The following PAK4 variants were observed in gnomAD, a reference collection of about 807,000 sequenced individuals.
The protein encoded by PAK4 is p21 (RAC1) activated kinase 4.
PAK4 carries 49 observed loss-of-function variants against 53.5 expected under a neutral mutation model. That is an observed-to-expected ratio of 0.92 (90% CI 0.73 to 1.16). The LOEUF is 1.16. PAK4 is among the 50% of genes most tolerant of loss of function. The pLI, the probability that PAK4 is intolerant of heterozygous loss-of-function variation, is 0.00. For synonymous variants in PAK4, 376 were observed against 375.6 expected (o/e 1.00, Z -0.01); for missense variants, 824 against 850.7 (o/e 0.97, Z 0.39).
chr19:39,168,156 G>A (rs1232369927), intron 1 of PAK4, 74 bp from the exon 2 acceptor site: 1 of 152,272 alleles, frequency 6.6e-6, no homozygotes, highest in Non-Finnish European at 1.5e-5. Flanking sequence ...CCACAGAGGA[G>A]GCCCATTGCT....
chr19:39,132,543 G>T (rs902276978), intron 1 of PAK4, among the ~76,000 whole-genome samples: 1 of 152,252 alleles, frequency 6.6e-6, no homozygotes, highest in African/African-American at 2.4e-5. Flanking sequence ...ACGCACACGC[G>T]TGCCCCCACG....
chr19:39,132,366 C>G (rs192223893), intron 1 of PAK4, among the ~76,000 whole-genome samples: 1 of 152,236 alleles, frequency 6.6e-6, no homozygotes, highest in Non-Finnish European at 1.5e-5. Flanking sequence ...TCATCACCCC[C>G]GGTTTCTTTT....
Position 39,177,907 on chromosome 19 carries a change from G to A in PAK4, c.1620+98G>A, listed in dbSNP as rs1000938886. 1.3e-4 allele frequency: 182 copies of A among 1,358,140 alleles called. 1 individual carries two copies. The African/African-American group carries it at 1.6e-3, about 12-fold the overall frequency. 84.1% of individuals were successfully genotyped at this position (1,358,140 alleles called of 1,614,324 possible). A position where few individuals can be genotyped will look rare whatever the true frequency, so the allele number is the denominator to read the frequency against. On this transcript the variant is annotated intron_variant, in intron 8 of 8. Coordinates refer to ENST00000358301, the Ensembl canonical transcript of PAK4. ...TGGATGGGATGGGGACAATGATGGC[G>A]CCTGGGATGGCGCTTACTGTGTGCT...
At chr19:39,130,701 G>A (rs1249427844) in intron 1 of PAK4, among the ~76,000 whole-genome samples, 2 of 151,964 alleles carry the variant, frequency 1.3e-5, no homozygotes, top group African/African-American at 4.8e-5. Context: ...AAAGAAGCCA[G>A]TGTGGCTGAG....
intron 1 of PAK4, among the ~76,000 whole-genome samples, chr19:39,166,079 G>A (rs2074371072): frequency 6.6e-6 from 1 of 152,216 alleles, no homozygotes; most frequent in East Asian, 1.9e-4. Context: ...CACTTACTGT[G>A]TGTGTGATTT....
In PAK4 at chr19:39,172,928, G is replaced by A. The variant is rs372186735; in HGVS notation, c.215G>A (p.Arg72Gln). Residue 72 changes from arginine (R) to glutamine (Q), a missense_variant, in exon 3 of 9, where the codon CGG (arginine) becomes CAG (glutamine). By Grantham distance (43) the Arg-to-Gln change is conservative. Transcript: ENST00000358301. ...TGCCTGGGACCCCAGACCATCGTGC[G>A]GGGCAGCAAAGGTGCCAAAGATGGG... 95 of 1,535,760 alleles carry A rather than the reference G, an allele frequency of 6.2e-5. 2 individuals carry two copies. The highest frequency in any genetic ancestry group is 1.4e-4 in the Admixed American group (7 of 50,580).
rs866360662 is a variant in PAK4, at chr19:39,154,881, C to G, written c.-22-14651C>G. On this transcript the variant is annotated intron_variant, in intron 1 of 8. Transcript: ENST00000358301. Reference sequence around the variant, plus strand: ...CCCCTAGACCTGCCCTGCTGTGGTCCAGAGCCTGGCCCAGCCCCTCCTTGG... The same window carrying G: ...CCCCTAGACCTGCCCTGCTGTGGTCGAGAGCCTGGCCCAGCCCCTCCTTGG... 1.2e-4 allele frequency among the ~76,000 whole-genome samples: 19 copies of G among 152,242 alleles called. No homozygotes were observed. In the South Asian group the frequency reaches 1.7e-3, roughly 13 times the overall value.
rs764959467 is a variant in PAK4 at position 39,175,011 on chromosome 19, G to A, written c.1179G>A (p.Val393=). ...ACCTGGTGGGGGACGAGCTCTGGGTGGTCATGGAGTTCCTGGAAGGAGGCG... is the reference window on the plus strand; with the variant it reads ...ACCTGGTGGGGGACGAGCTCTGGGTAGTCATGGAGTTCCTGGAAGGAGGCG... The change falls in exon 5 of 9, where the codon GTG becomes GTA. Residue 393 remains valine (V), a synonymous_variant. Transcript: ENST00000358301. This position sits in a 1 kb window ranked among gnomAD's most constrained non-coding sequence, Gnocchi z 4.7. 3 of 1,613,846 alleles carry A rather than the reference G, an allele frequency of 1.9e-6. No individual in the cohort carries two copies. Among genetic ancestry groups the A allele is most frequent in the South Asian group, 2.2e-5 (2 of 91,076 alleles).
At chr19:39,138,177 G>C (rs2073851731) in intron 1 of PAK4, among the ~76,000 whole-genome samples, 1 of 151,926 alleles carries the variant, frequency 6.6e-6, no homozygotes. Flanking sequence ...TAGTAGAGGT[G>C]GGGTTTCACT....
chr19:39,169,740 C>A, exon 2 of PAK4: 1 of 1,603,480 alleles, frequency 6.2e-7, no homozygotes, highest in Non-Finnish European at 8.5e-7. Context: ...CACCTCCATC[C>A]AGCCCGGGGC....
intron 1 of PAK4, among the ~76,000 whole-genome samples, chr19:39,160,275 T>C (rs1417868556): frequency 6.6e-6 from 1 of 152,200 alleles, no homozygotes; most frequent in African/African-American, 2.4e-5. Flanking sequence ...CTCATTACTT[T>C]GGTAATGGCA....
chr19:39,148,607 C>G (rs2074045137), intron 1 of PAK4, among the ~76,000 whole-genome samples: 1 of 150,744 alleles, frequency 6.6e-6, no homozygotes, highest in Non-Finnish European at 1.5e-5. Context: ...GAGGCGCCCA[C>G]CACCATGCCT....
At position 39,173,216 on chromosome 19, in the gene PAK4, G is replaced by C. The variant is rs988259802; in HGVS notation, c.503G>C (p.Gly168Ala). 1 of 1,558,534 alleles carries C rather than the reference G, an allele frequency of 6.4e-7. No homozygotes were observed. Among genetic ancestry groups the C allele is most frequent in the Non-Finnish European group, 8.7e-7 (1 of 1,151,254 alleles). The change falls in exon 3 of 9, where the codon GGG (glycine) becomes GCG (alanine). Residue 168 changes from glycine (G) to alanine (A), a missense_variant. This residue lies in a region of PAK4 where 478 missense variants were observed against 435.8 expected (regional missense o/e 1.10). Transcript: ENST00000358301. The surrounding 1 kb of genome is among the most constrained non-coding windows in gnomAD (Gnocchi z 6.9). ...CCCAAGTCTTCCAGGGAGGGCTCAG[G>C]GGGTCCCCAGGAGTCCTCCCGGGAC...
chr19:39,141,594 G>A (rs2073910388), intron 1 of PAK4, among the ~76,000 whole-genome samples: 2 of 151,692 alleles, frequency 1.3e-5, no homozygotes, highest in Non-Finnish European at 2.9e-5. Flanking sequence ...GGAATTATAG[G>A]CGTGAGCCAC....
chr19:39,132,493 G>A (rs1397161303), intron 1 of PAK4, among the ~76,000 whole-genome samples: 5 of 152,222 alleles, frequency 3.3e-5, no homozygotes, highest in African/African-American at 7.2e-5. Flanking sequence ...TTCCCACTCC[G>A]AAGCTCGCTG....
At position 39,173,601 on chromosome 19, in the gene PAK4, A is replaced by C; in HGVS notation, c.689A>C (p.Asn230Thr). ...GGGGAGCCTCATGACGTGGCCCCTA[A>C]CGGGCCATCAGCGGGGGGCCTGGCC... Residue 230 changes from asparagine (N) to threonine (T), a missense_variant, in exon 4 of 9, where the codon AAC becomes ACC. By Grantham distance (65) the Asn-to-Thr change is moderately conservative. Coordinates refer to ENST00000358301, the Ensembl canonical transcript of PAK4. The surrounding 1 kb of genome is among the most constrained non-coding windows in gnomAD (Gnocchi z 6.9). The C allele has an allele frequency of 6.5e-7, 1 of 1,528,714 alleles. No homozygotes were observed. Among genetic ancestry groups the C allele is most frequent in the Non-Finnish European group, 8.8e-7 (1 of 1,140,486 alleles). 94.7% of individuals were successfully genotyped at this position (1,528,714 alleles called of 1,614,324 possible).
At chr19:39,132,781 A>T (rs2073738258) in intron 1 of PAK4, among the ~76,000 whole-genome samples, 1 of 152,204 alleles carries the variant, frequency 6.6e-6, no homozygotes, top group Non-Finnish European at 1.5e-5. Context: ...CCAGTGTCTG[A>T]TGACACCGGG....
At chr19:39,182,381 T>C (rs2144914715), downstream of PAK4, 1 of 152,324 alleles carries the variant, frequency 6.6e-6, no homozygotes, top group African/African-American at 2.4e-5. Flanking sequence ...TCTATTACCA[T>C]GCAGTCAGGA....
At chr19:39,144,237 C>T (rs959919982) in intron 1 of PAK4, among the ~76,000 whole-genome samples, 4 of 152,166 alleles carry the variant, frequency 2.6e-5, no homozygotes, top group African/African-American at 7.2e-5. Context: ...AGACTTGCCA[C>T]GGAATCCCAG....
Sources: gnomAD v4.1 joint callset for allele counts (sites outside exome capture counted in the v4.1 genomes callset) on GRCh38, gnomAD v4.1.1 for gene constraint, gnomAD v4.1.1 regional missense constraint, Gnocchi (gnomAD v3.1) non-coding constraint, MANE v1.5 for transcripts, NCBI Gene and HGNC (gene_info 2026-07-23, HGNC 2026-07-21) for gene names.